The following BCAS3 variants were observed in gnomAD, a reference collection of about 807,000 sequenced individuals.
BCAS3 encodes BCAS3 microtubule associated cell migration factor.
Under a neutral mutation model 116.1 loss-of-function variants are expected in BCAS3, and 53 were observed. That is an observed-to-expected ratio of 0.46 (90% CI 0.37 to 0.57). The LOEUF is 0.57. Among genes scored for constraint, BCAS3 ranks in the 20% least tolerant of loss-of-function variants. BCAS3 has a pLI of 0.00. For synonymous variants in BCAS3, 391 were observed against 408.2 expected (o/e 0.96, Z 0.51); for missense variants, 917 against 1,165.4 (o/e 0.79, Z 3.10).
At chr17:61,096,522 A>T (rs2073983724) in intron 22 of BCAS3, among the ~76,000 whole-genome samples, 1 of 152,176 alleles carries the variant, frequency 6.6e-6, no homozygotes, top group Admixed American at 6.5e-5. Context: ...GCATCACTGC[A>T]CTCTAGCCTG....
intron 22 of BCAS3, among the ~76,000 whole-genome samples, chr17:61,321,902 A>C (rs1235825179): frequency 6.6e-6 from 1 of 151,934 alleles, no homozygotes; most frequent in Non-Finnish European, 1.5e-5. Context: ...TAAATTGTGG[A>C]TACTAACACC....
chr17:61,031,306 T>G (rs933691465), intron 16 of BCAS3, among the ~76,000 whole-genome samples: 1 of 152,114 alleles, frequency 6.6e-6, no homozygotes, highest in African/African-American at 2.4e-5. Context: ...TTTCAATGTT[T>G]TATCTTTCTG....
intron 6 of BCAS3, among the ~76,000 whole-genome samples, chr17:60,801,123 G>T (rs528968489): frequency 7.2e-5 from 11 of 152,054 alleles, no homozygotes; most frequent in Non-Finnish European, 1.3e-4. Flanking sequence ...GGTAGGAATT[G>T]CATTAAACTT....
chr17:60,864,431 A>C (rs1411638188), intron 7 of BCAS3, among the ~76,000 whole-genome samples: 1 of 152,268 alleles, frequency 6.6e-6, no homozygotes, highest in Non-Finnish European at 1.5e-5. Flanking sequence ...ATTTAGCCAT[A>C]TCACATAGGC....
At chr17:60,898,819 G>A (rs748022332) in intron 10 of BCAS3, among the ~76,000 whole-genome samples, 9 of 152,126 alleles carry the variant, frequency 5.9e-5, no homozygotes, top group Non-Finnish European at 1.3e-4. Flanking sequence ...TCCTAGTGGC[G>A]TGTGTTGATG....
chr17:61,060,682 G>A (rs1428216805), intron 19 of BCAS3, among the ~76,000 whole-genome samples: 1 of 152,176 alleles, frequency 6.6e-6, no homozygotes, highest in Non-Finnish European at 1.5e-5. Context: ...TTGGAGAAAC[G>A]TTAGACGTAC....
At chr17:60,698,048 G>A (rs1176433612) in intron 4 of BCAS3, among the ~76,000 whole-genome samples, 1 of 151,688 alleles carries the variant, frequency 6.6e-6, no homozygotes, top group Non-Finnish European at 1.5e-5. Context: ...GCGTGGTGAC[G>A]GGCGCCTGTA....
At chr17:61,046,035 TTA>T (rs1238093293) in intron 19 of BCAS3, among the ~76,000 whole-genome samples, 804 of 12,312 alleles carry the variant, frequency 0.065, 50 homozygotes, top group Non-Finnish European at 0.08. Context: ...ATATATATAT[TTA>T]TATATATATA....
chr17:61,295,765 A>G (rs2052830323), intron 22 of BCAS3, among the ~76,000 whole-genome samples: 1 of 151,732 alleles, frequency 6.6e-6, no homozygotes. Flanking sequence ...AGCCTGACCA[A>G]CATGGTGAAA....
intron 22 of BCAS3, among the ~76,000 whole-genome samples, chr17:61,291,998 A>G (rs147476824): frequency 1.3e-5 from 2 of 152,292 alleles, no homozygotes; most frequent in Non-Finnish European, 2.9e-5. Flanking sequence ...GTGTTTTATT[A>G]GGAGAGAACA....
At position 61,376,175 on chromosome 17, in the gene BCAS3, T is replaced by C. The variant is rs1443493002; in HGVS notation, c.2593+7681T>C. Among the ~76,000 whole-genome samples the C allele has an allele frequency of 6.6e-6, 1 of 152,158 alleles. No homozygotes were observed. Among genetic ancestry groups the C allele is most frequent in the East Asian group, 1.9e-4 (1 of 5,188 alleles). ...GAAAGCTGGAGAAGTGACATTTACA[T>C]GTGTTATGTGGGCCTCTCAGGTCCC... On this transcript the variant is annotated intron_variant, in intron 23 of 23. Transcript: ENST00000407086. The surrounding 1 kb of genome is among the most constrained non-coding windows in gnomAD (Gnocchi z 4.5).
At chr17:61,202,626 C>CA (rs1156481744) in intron 22 of BCAS3, among the ~76,000 whole-genome samples, 1 of 151,960 alleles carries the variant, frequency 6.6e-6, no homozygotes, top group Non-Finnish European at 1.5e-5. Context: ...CCTTTGAGCC[C>CA]AAAATCTTGT....
rs768762230 is a variant in BCAS3 at position 61,332,911 on chromosome 17, C to T, written c.2426-35416C>T. Among the ~76,000 whole-genome samples the T allele has an allele frequency of 3.9e-5, 6 of 152,186 alleles. No homozygotes were observed. Among genetic ancestry groups the T allele is most frequent in the African/African-American group, 9.7e-5 (4 of 41,450 alleles). On this transcript the variant is annotated intron_variant, in intron 22 of 23. Coordinates refer to ENST00000407086, the MANE Select transcript of BCAS3 (RefSeq NM_017679.5). The surrounding 1 kb of genome is among the most constrained non-coding windows in gnomAD (Gnocchi z 5.4). The stretch of plus-strand genomic sequence containing the variant: ...GATTATAGGCGTGAGCCATGGCACC[C>T]GGCCTATCCCCATCTTAAAAAGGAG...
chr17:60,992,782 A>G (rs934282134), intron 15 of BCAS3, among the ~76,000 whole-genome samples: 1 of 152,228 alleles, frequency 6.6e-6, no homozygotes, highest in South Asian at 2.1e-4. Context: ...TTTGCTAGAC[A>G]TTTTATTTCA....
chr17:61,293,917 C>T (rs1204483984), intron 22 of BCAS3, among the ~76,000 whole-genome samples: 1 of 152,134 alleles, frequency 6.6e-6, no homozygotes, highest in African/African-American at 2.4e-5. Flanking sequence ...TATGCCACTG[C>T]GCCTGGCTTA....
At position 61,073,779 on chromosome 17, in the gene BCAS3, G is replaced by C. The variant is rs1185969933; in HGVS notation, c.2030-1141G>C. Among the ~76,000 whole-genome samples the C allele has an allele frequency of 6.6e-6, 1 of 151,302 alleles. No individual in the cohort carries two copies. The highest frequency in any genetic ancestry group is 2.4e-5 in the African/African-American group (1 of 41,110). On this transcript the variant is annotated intron_variant, in intron 19 of 23. Transcript: ENST00000407086. The surrounding 1 kb of genome is among the most constrained non-coding windows in gnomAD (Gnocchi z 4.6). Reference sequence around the variant, plus strand: ...CTACTTACCTCCCCTCTTTTTCTCTGTTCCTCCCAGTACTTCATTGCTTGA... The same window carrying C: ...CTACTTACCTCCCCTCTTTTTCTCTCTTCCTCCCAGTACTTCATTGCTTGA...
At chr17:61,053,891 A>G (rs2069113941) in intron 19 of BCAS3, among the ~76,000 whole-genome samples, 1 of 152,204 alleles carries the variant, frequency 6.6e-6, no homozygotes, top group Admixed American at 6.5e-5. Flanking sequence ...CCTTCCATAG[A>G]GAAATGATTT....
chr17:60,765,276 T>C (rs183069599), intron 6 of BCAS3, among the ~76,000 whole-genome samples: 245 of 152,366 alleles, frequency 1.6e-3, no homozygotes, highest in African/African-American at 5.6e-3. Context: ...ATGCCATTTC[T>C]TCCTAGCATT....
At chr17:60,719,475 T>C (rs553071279) in intron 5 of BCAS3, among the ~76,000 whole-genome samples, 1 of 152,378 alleles carries the variant, frequency 6.6e-6, no homozygotes, top group South Asian at 2.1e-4. Flanking sequence ...GAGTTTTTGA[T>C]GAGTATGTTT....
Sources: gnomAD v4.1 joint callset for allele counts (sites outside exome capture counted in the v4.1 genomes callset) on GRCh38, gnomAD v4.1.1 for gene constraint, Gnocchi (gnomAD v3.1) non-coding constraint, MANE v1.5 for transcripts, NCBI Gene and HGNC (gene_info 2026-07-23, HGNC 2026-07-21) for gene names.